The following PLAC1 variants were observed in gnomAD, a reference collection of about 807,000 sequenced individuals.
PLAC1 encodes the protein placenta associated 1.
For missense variants in PLAC1, 136 were observed against 163.2 expected (o/e 0.83, Z 0.91); for synonymous variants, 68 against 62.1 (o/e 1.09, Z -0.44).
At chrX:134,664,301 A>G (rs897220581) in intron 2 of PLAC1, among the ~76,000 whole-genome samples, 1 of 112,236 alleles carries the variant, frequency 8.9e-6, no homozygotes, top group Non-Finnish European at 1.9e-5. Context: ...CCACACTTTG[A>G]GAACCAGCAG....
At chrX:134,661,716 A>C (rs1328087814), upstream of PLAC1, among the ~76,000 whole-genome samples, 2 of 111,892 alleles carry the variant, frequency 1.8e-5, no homozygotes, top group Non-Finnish European at 3.8e-5. Flanking sequence ...AGCTTCAAAG[A>C]AACCCTGTAG....
At chrX:134,665,071 AGTGT>A (rs59815179) in intron 2 of PLAC1, among the ~76,000 whole-genome samples, 546 of 103,530 alleles carry the variant, frequency 5.3e-3, no homozygotes, top group African/African-American at 0.018. Context: ...GTGATTTTGG[AGTGT>A]GTGTGTGTGT....
chrX:134,655,332 T>TAC (rs545237127), intron 1 of PLAC1, among the ~76,000 whole-genome samples: 3,127 of 99,033 alleles, frequency 0.032, 58 homozygotes, highest in African/African-American at 0.062. Context: ...TCAATCTATT[T>TAC]ACACACACAC....
At chrX:134,674,306 C>A (rs372365304) in intron 2 of PLAC1, among the ~76,000 whole-genome samples, 63 of 112,448 alleles carry the variant, frequency 5.6e-4, no homozygotes, top group African/African-American at 1.9e-3. Flanking sequence ...GCCTCAAATT[C>A]TCTTGGGAAT....
chrX:134,725,865 C>T (rs763806692), intron 2 of PLAC1, among the ~76,000 whole-genome samples: 2 of 111,326 alleles, frequency 1.8e-5, no homozygotes, highest in African/African-American at 3.3e-5. Flanking sequence ...GGTGTGGTGG[C>T]GGGTGCCTAT....
chrX:134,611,918 CCTT>C (rs1376276565), intron 1 of PLAC1, among the ~76,000 whole-genome samples: 1 of 111,134 alleles, frequency 9.0e-6, no homozygotes, highest in Non-Finnish European at 1.9e-5. Context: ...TGGCTCTTGG[CCTT>C]CTTGCACTCA....
chrX:134,683,764 G>C (rs1179574470), intron 2 of PLAC1, among the ~76,000 whole-genome samples: 1 of 111,871 alleles, frequency 8.9e-6, no homozygotes, highest in Non-Finnish European at 1.9e-5. Flanking sequence ...TCCATGAAAG[G>C]CTGTCTGCTT....
intron 2 of PLAC1, among the ~76,000 whole-genome samples, chrX:134,727,631 TAAC>T (rs2078678215): frequency 8.9e-6 from 1 of 111,884 alleles, no homozygotes; most frequent in African/African-American, 3.3e-5. Flanking sequence ...ACTAAACAAA[TAAC>T]TACTACAACA....
chrX:134,688,019 A>C (rs1431841272), intron 2 of PLAC1, among the ~76,000 whole-genome samples: 8 of 106,257 alleles, frequency 7.5e-5, no homozygotes, highest in Non-Finnish European at 1.5e-4. Flanking sequence ...AGAAGAGAGA[A>C]GACAGGAAGA....
At chrX:134,629,877 T>C (rs186225803) in intron 1 of PLAC1, among the ~76,000 whole-genome samples, 2 of 111,679 alleles carry the variant, frequency 1.8e-5, no homozygotes, top group Non-Finnish European at 3.8e-5. Context: ...AGCCTCTAGA[T>C]GTGTTTGGAC....
intron 1 of PLAC1, among the ~76,000 whole-genome samples, chrX:134,638,581 A>G (rs1304619102): frequency 9.0e-6 from 1 of 111,414 alleles, no homozygotes; most frequent in Admixed American, 9.6e-5. Flanking sequence ...TACTTTTCCA[A>G]AGGATCTCAG....
intron 2 of PLAC1, among the ~76,000 whole-genome samples, chrX:134,579,615 G>C (rs1028664240): frequency 8.1e-5 from 9 of 111,436 alleles, no homozygotes; most frequent in African/African-American, 2.9e-4. Flanking sequence ...GATGGTATGT[G>C]GCAGTGAGAG....
intron 1 of PLAC1, chrX:134,651,247 G>T: frequency 4.9e-6 from 1 of 203,645 alleles, no homozygotes; most frequent in South Asian, 9.0e-5. Flanking sequence ...GTGAAATTGT[G>T]GGCAAGAGAA....
Position 134,614,560 on chromosome X carries a change from C to T in PLAC1, c.-130-12438G>A, listed in dbSNP as rs1169246734. Among the ~76,000 whole-genome samples the T allele has an allele frequency of 3.6e-5, 4 of 110,960 alleles. No homozygotes were observed. The East Asian group carries it at 8.5e-4, about 23-fold the overall frequency. On this transcript the variant is annotated intron_variant, in intron 1 of 2. Coordinates refer to ENST00000359237, the MANE Select transcript of PLAC1 (RefSeq NM_021796.4). Reference sequence around the variant, plus strand: ...TGTTGTCACAAATGGCAGGATCACCCTCTCTTCTAGGCTGAATAGTATTCT... The same window carrying T: ...TGTTGTCACAAATGGCAGGATCACCTTCTCTTCTAGGCTGAATAGTATTCT...
intron 2 of PLAC1, among the ~76,000 whole-genome samples, chrX:134,663,693 G>A (rs1299118084): frequency 8.9e-6 from 1 of 112,598 alleles, no homozygotes; most frequent in African/African-American, 3.2e-5. Context: ...TGATGGGGGA[G>A]GCTGTCTAGT....
At chrX:134,734,995 A>G (rs896336147) in intron 1 of PLAC1, among the ~76,000 whole-genome samples, 1 of 111,748 alleles carries the variant, frequency 8.9e-6, no homozygotes, top group Non-Finnish European at 1.9e-5. Flanking sequence ...TGGGACTACA[A>G]AGCCAAGGAG....
At chrX:134,719,854 C>G (rs1372152233) in intron 2 of PLAC1, among the ~76,000 whole-genome samples, 8 of 111,417 alleles carry the variant, frequency 7.2e-5, no homozygotes. Flanking sequence ...AACTTTTAAT[C>G]TGGTAAAGAA....
intron 1 of PLAC1, among the ~76,000 whole-genome samples, chrX:134,645,603 G>T (rs947239443): frequency 1.8e-5 from 2 of 111,836 alleles, no homozygotes; most frequent in Non-Finnish European, 3.8e-5. Context: ...AGCTTTTGGA[G>T]GTCAGGATCC....
chrX:134,583,388 C>CTTTT lies in PLAC1; in HGVS notation c.-58-16652_-58-16649dup, dbSNP rs752955065. 2.0e-3 allele frequency among the ~76,000 whole-genome samples: 133 copies of CTTTT among 66,622 alleles called. 1 individual carries two copies. Among genetic ancestry groups the CTTTT allele is most frequent in the African/African-American group, 7.4e-3 (127 of 17,056 alleles). The allele number at this position is 66,622 out of a possible 115,157, so 57.9% of individuals were successfully genotyped here. A position where few individuals can be genotyped will look rare whatever the true frequency, so the allele number is the denominator to read the frequency against. On this transcript the variant is annotated intron_variant, in intron 2 of 2. Transcript: ENST00000359237. ...CACAGGCGTGAGCCACTATGCCTGGCTTTTTTTTTTTTTTTTTTGGCTTAC... is the reference window on the plus strand; with the variant it reads ...CACAGGCGTGAGCCACTATGCCTGGCTTTTTTTTTTTTTTTTTTTTTTGGCTTAC...
Sources: gnomAD v4.1 joint callset for allele counts (sites outside exome capture counted in the v4.1 genomes callset) on GRCh38, gnomAD v4.1.1 for gene constraint, MANE v1.5 for transcripts, NCBI Gene and HGNC (gene_info 2026-07-23, HGNC 2026-07-21) for gene names.